The following DDX60L variants were observed in gnomAD, a reference collection of about 807,000 sequenced individuals.
The protein encoded by DDX60L is probable ATP-dependent RNA helicase DDX60-like.
A neutral mutation model predicts 211.6 loss-of-function variants in DDX60L; 191 were observed. The observed-to-expected ratio is 0.90, with a 90% confidence interval of 0.80 to 1.02. The LOEUF is 1.02. DDX60L is among the 50% of genes least tolerant of loss of function. The pLI is 0.00. For missense variants in DDX60L, 2,007 were observed against 1,984.1 expected, an observed-to-expected ratio of 1.01 and a Z score of -0.22; for synonymous variants, 706 against 694.1, an observed-to-expected ratio of 1.02 and a Z score of -0.27.
At chr4:168,471,123 A>G (rs530155109) in intron 4 of DDX60L, among the ~76,000 whole-genome samples, 1 of 152,316 alleles carries the variant, frequency 6.6e-6, no homozygotes, top group South Asian at 2.1e-4. Context: ...TGTAAATTTT[A>G]CCATCAAAAA....
chr4:168,477,232 G>A (rs1425856574), intron 1 of DDX60L, among the ~76,000 whole-genome samples: 4 of 152,050 alleles, frequency 2.6e-5, no homozygotes, highest in Non-Finnish European at 4.4e-5. Flanking sequence ...TGGCTAACAT[G>A]GTGAAACCCT....
chr4:168,414,537 T>A lies in DDX60L; in HGVS notation c.2979+871A>T, dbSNP rs146875258. 4.2e-3 allele frequency among the ~76,000 whole-genome samples: 638 copies of A among 152,146 alleles called. 4 individuals carry two copies. Among genetic ancestry groups the A allele is most frequent in the African/African-American group, 0.012 (483 of 41,518 alleles). The stretch of plus-strand genomic sequence containing the variant: ...ACTTAAAAAAAAGGAAATCAGTATA[T>A]CAAAGAGGTATCCGGACTCTCATGT... On this transcript the variant is annotated intron_variant, in intron 22 of 37. Transcript: ENST00000682922.
chr4:168,402,586 T>C (rs376235876), intron 25 of DDX60L, among the ~76,000 whole-genome samples: 1 of 152,234 alleles, frequency 6.6e-6, no homozygotes, highest in East Asian at 1.9e-4. Flanking sequence ...CTAAATAGAT[T>C]TTCAGAAGTC....
In DDX60L at chr4:168,420,269, T is replaced by A. The variant is rs1199319343; in HGVS notation, c.2506A>T (p.Asn836Tyr). 7.5e-6 allele frequency: 12 copies of A among 1,597,630 alleles called. No homozygotes were observed. The highest frequency in any genetic ancestry group is 8.5e-6 in the Non-Finnish European group (10 of 1,172,560). ...FTRDYCHNVL[N>Y]CQVLITVPEC... is the part of the protein sequence containing the mutation. ...TAATTAATATGTCATACCTGACAGT[T>A]TAGTACATTGTGACAATAATCTCTT... Residue 836 changes from asparagine to tyrosine, a missense_variant, in exon 18 of 38, where the codon AAC (asparagine) becomes TAC (tyrosine). By Grantham distance (143) the Asn-to-Tyr change is moderately radical. Coordinates refer to ENST00000682922, the MANE Select transcript of DDX60L (RefSeq NM_001012967.3).
chr4:168,396,033 G>C lies in DDX60L; in HGVS notation c.3583C>G (p.Leu1195Val). 6.2e-7 allele frequency: 1 copy of C among 1,608,896 alleles called. No individual in the cohort carries two copies. Among genetic ancestry groups the C allele is most frequent in the Non-Finnish European group, 8.5e-7 (1 of 1,176,834 alleles). Residue 1195 changes from leucine (L) to valine (V), a missense_variant, in exon 27 of 38, where the codon CTG (leucine) becomes GTG (valine). Coordinates refer to ENST00000682922, the MANE Select transcript of DDX60L (RefSeq NM_001012967.3). Reference sequence around the variant, plus strand: ...TACGTGCAGTCCTCAGAAATTTCCAGAATCTTCAGATTCTCCAGGAAATTA... The same window carrying C: ...TACGTGCAGTCCTCAGAAATTTCCACAATCTTCAGATTCTCCAGGAAATTA... ...YINFLENLKI[L>V]EISEDCTYAD...
chr4:168,374,203 C>T (rs1190941174), intron 34 of DDX60L, among the ~76,000 whole-genome samples: 1 of 151,860 alleles, frequency 6.6e-6, no homozygotes, highest in Non-Finnish European at 1.5e-5. Context: ...AGGTCTGGCT[C>T]GTTTTTCCCA....
chr4:168,458,336 A>G (rs2150084669), intron 5 of DDX60L, among the ~76,000 whole-genome samples: 1 of 152,332 alleles, frequency 6.6e-6, no homozygotes, highest in South Asian at 2.1e-4. Flanking sequence ...TCATTCTATT[A>G]TAAAGATACA....
At chr4:168,416,575 T>G in intron 20 of DDX60L, 107 bp downstream of exon 20, 1 of 614,190 alleles carries the variant, frequency 1.6e-6, no homozygotes, top group Non-Finnish European at 2.5e-6. Flanking sequence ...GGTAATAAAT[T>G]TATTTGAAAG....
At chr4:168,469,530 T>G (rs896011655) in intron 4 of DDX60L, 1 of 152,094 alleles carries the variant, frequency 6.6e-6, no homozygotes, top group African/African-American at 2.4e-5. Context: ...TAAAGAATAA[T>G]AAGTTAGATT....
intron 30 of DDX60L, among the ~76,000 whole-genome samples, chr4:168,383,692 C>T (rs550870246): frequency 2.0e-5 from 3 of 152,264 alleles, no homozygotes; most frequent in Non-Finnish European, 4.4e-5. Flanking sequence ...CCCTGTCACA[C>T]TCCAATGCCT....
chr4:168,372,478 C>G (rs1237982452), intron 35 of DDX60L, among the ~76,000 whole-genome samples: 1 of 152,166 alleles, frequency 6.6e-6, no homozygotes, highest in Non-Finnish European at 1.5e-5. Context: ...GTAATCCTAG[C>G]ACTCTGGGAA....
chr4:168,374,898 G>T lies in DDX60L; in HGVS notation c.4633+479C>A, dbSNP rs1579227503. Among the ~76,000 whole-genome samples the T allele has an allele frequency of 3.9e-5, 6 of 152,156 alleles. 1 individual carries two copies. The highest frequency in any genetic ancestry group is 3.9e-4 in the Admixed American group (6 of 15,276). On this transcript the variant is annotated intron_variant, in intron 34 of 37. Transcript: ENST00000682922. ...AGATTAAAAAAATGAGACACAGAAA[G>T]ATTAAGTAACTGGCATGAGACCTCA...
intron 3 of DDX60L, among the ~76,000 whole-genome samples, 200 bp from the exon 4 acceptor site, chr4:168,472,136 A>G (rs1183929256): frequency 6.6e-6 from 1 of 152,250 alleles, no homozygotes; most frequent in East Asian, 1.9e-4. Context: ...AAATAAAATT[A>G]GGCTCAGAGA....
At chr4:168,477,487 T>C (rs147120583) in intron 1 of DDX60L, among the ~76,000 whole-genome samples, 263 of 152,184 alleles carry the variant, frequency 1.7e-3, no homozygotes, top group African/African-American at 5.8e-3. Flanking sequence ...AATCTAAAAA[T>C]CCATGAATTG....
intron 7 of DDX60L, among the ~76,000 whole-genome samples, chr4:168,454,572 C>T (rs1756249101): frequency 6.6e-6 from 1 of 151,994 alleles, no homozygotes; most frequent in Non-Finnish European, 1.5e-5. Flanking sequence ...TTGAAAGCAG[C>T]TATTAGCACA....
chr4:168,413,767 T>C (rs1013179246), intron 22 of DDX60L, among the ~76,000 whole-genome samples: 6 of 152,060 alleles, frequency 3.9e-5, no homozygotes, highest in Non-Finnish European at 2.9e-5. Flanking sequence ...AAATCTAAGA[T>C]TTATTGGCCT....
intron 9 of DDX60L, among the ~76,000 whole-genome samples, chr4:168,446,794 T>C (rs1428498741): frequency 7.7e-6 from 1 of 129,064 alleles, no homozygotes; most frequent in East Asian, 2.2e-4. Context: ...GATTCCCTAT[T>C]TAATAAATGG....
At position 168,420,361 on chromosome 4, in the gene DDX60L, G is replaced by A; in HGVS notation, c.2414C>T (p.Ala805Val). 2 of 1,610,610 alleles carry A rather than the reference G, an allele frequency of 1.2e-6. No homozygotes were observed. The highest frequency in any genetic ancestry group is 1.7e-6 in the Non-Finnish European group (2 of 1,179,172). Residue 805 changes from alanine (A) to valine (V), a missense_variant, in exon 18 of 38, where the codon GCT (alanine) becomes GTT (valine). Ala to Val is a moderately conservative substitution (Grantham distance 64). Coordinates refer to ENST00000682922, the MANE Select transcript of DDX60L (RefSeq NM_001012967.3). ...AGTAAAACGATTCTCAACAGTTGCAGCCACTTGACCAACAAGGGACTGATT... is the reference window on the plus strand; with the variant it reads ...AGTAAAACGATTCTCAACAGTTGCAACCACTTGACCAACAAGGGACTGATT... The part of the protein sequence containing the change: ...APAKSLVGQV[A>V]ATVENRFTKT...
intron 31 of DDX60L, 90 bp downstream of exon 31, chr4:168,379,636 G>T: frequency 8.2e-7 from 1 of 1,216,836 alleles, no homozygotes; most frequent in Non-Finnish European, 1.2e-6. Context: ...ATCATTGAAT[G>T]CAGATTATAG....
Sources: allele counts gnomAD v4.1 joint callset (sites outside exome capture counted in the v4.1 genomes callset), GRCh38; gene constraint gnomAD v4.1.1; transcripts MANE v1.5; gene names NCBI Gene and HGNC (gene_info 2026-07-23, HGNC 2026-07-21).